Variants in APLP1 observed in about 807,000 individuals in gnomAD.
The protein encoded by APLP1 is amyloid beta (A4) precursor-like protein 1.
Under a neutral mutation model 84.5 loss-of-function variants are expected in APLP1, and 46 were observed. The ratio of observed to expected loss-of-function variants is 0.54; its 90% CI spans 0.43 to 0.70. The LOEUF is 0.70. APLP1 is among the 30% of genes least tolerant of loss of function. APLP1 has a pLI of 0.00. For synonymous variants in APLP1, 376 were observed against 364.0 expected, an observed-to-expected ratio of 1.03 and a Z score of -0.38; for missense variants, 826 against 900.2, an observed-to-expected ratio of 0.92 and a Z score of 1.05.
At chr19:35,869,867 A>G in intron 2 of APLP1, 57 bp downstream of exon 2, 1 of 1,541,440 alleles carries the variant, frequency 6.5e-7, no homozygotes. Context: ...GACTTGAAAA[A>G]GGCGTGGTCC....
At chr19:35,869,940 T>G in intron 2 of APLP1, 130 bp downstream of exon 2, 1 of 1,215,044 alleles carries the variant, frequency 8.2e-7, no homozygotes, top group East Asian at 2.6e-5. Flanking sequence ...GGCGCAACTA[T>G]GCTAGGGGCA....
At chr19:35,870,181 G>T in intron 2 of APLP1, 1 of 291,334 alleles carries the variant, frequency 3.4e-6, no homozygotes, top group Non-Finnish European at 6.4e-6. Context: ...GCCATGAAAA[G>T]ACAAATTTAT....
chr19:35,875,658 A>G (rs230267), intron 10 of APLP1, among the ~76,000 whole-genome samples: 16,110 of 152,004 alleles, frequency 0.11, 1,710 homozygotes, highest in African/African-American at 0.28. Flanking sequence ...CACGGGTTTC[A>G]GCATGTTGGC....
rs2146908298 is a variant in APLP1, at chr19:35,874,044, A to G, written c.1056+331A>G. Among the ~76,000 whole-genome samples the G allele has an allele frequency of 6.6e-6, 1 of 152,214 alleles. No homozygotes were observed. On this transcript the variant is annotated intron_variant, in intron 8 of 16. Coordinates refer to ENST00000221891, the MANE Select transcript of APLP1 (RefSeq NM_001024807.3). The surrounding 1 kb of genome is among the most constrained non-coding windows in gnomAD (Gnocchi z 6.4). ...TCTTTGATGCATTTATGTCTCTATC[A>G]GGCCCCGCCCCCTGATTCTGGCTCT...
chr19:35,869,067 C>T (rs1974071788), intron 1 of APLP1: 1 of 328,032 alleles, frequency 3.0e-6, no homozygotes, highest in Non-Finnish European at 5.5e-6. Flanking sequence ...GCCCCAACCC[C>T]CTCCCGCCTG....
chr19:35,875,983 C>T (rs1463505634), intron 10 of APLP1, among the ~76,000 whole-genome samples: 1 of 151,854 alleles, frequency 6.6e-6, no homozygotes, highest in Admixed American at 6.6e-5. Flanking sequence ...CCATGTTGCC[C>T]AGGCTAGTCT....
Position 35,878,645 on chromosome 19 carries a change from T to C in APLP1, c.1641T>C (p.Tyr547=). 1 of 1,614,028 alleles carries C rather than the reference T, an allele frequency of 6.2e-7. No homozygotes were observed. ...AGAAGATGAACCCGCTGGAACAGTATGAGCGAAAGGTAAGTTAGTCAGAAC... is the reference window on the plus strand; with the variant it reads ...AGAAGATGAACCCGCTGGAACAGTACGAGCGAAAGGTAAGTTAGTCAGAAC... ...EKEKMNPLEQ[Y]ERKVNASVPR... The change falls in exon 14 of 17, where the codon TAT becomes TAC. Residue 547 remains tyrosine (Y), a synonymous_variant. Coordinates refer to ENST00000221891, the MANE Select transcript of APLP1 (RefSeq NM_001024807.3).
chr19:35,876,467 A>G (rs2146912440), intron 10 of APLP1, 50 bp from the exon 11 acceptor site: 1 of 1,505,944 alleles, frequency 6.6e-7, no homozygotes, highest in Middle Eastern at 2.0e-4. Context: ...CAGTTTCCTC[A>G]TCTCCAGCCT....
chr19:35,872,846 G>GTT (rs758120842), intron 7 of APLP1, among the ~76,000 whole-genome samples: 21 of 144,196 alleles, frequency 1.5e-4, no homozygotes, highest in African/African-American at 3.0e-4. Context: ...CACTTTATTG[G>GTT]TTTTTTTTTT....
intron 15 of APLP1, 26 bp from the exon 16 acceptor site, chr19:35,879,048 C>A: frequency 6.2e-7 from 1 of 1,612,956 alleles, no homozygotes; most frequent in Non-Finnish European, 8.5e-7. Flanking sequence ...CAAAGAAGCC[C>A]TCTGCCCCAT....
rs1442665189 is a variant in APLP1 at position 35,879,496 on chromosome 19, C to T, written c.*55C>T. ...CCAGACCTCCCCTCTTCCTGGAGCC[C>T]CAGAACCCCAACTCCCAGCCTAGGG... On this transcript the variant is annotated 3_prime_UTR_variant, in exon 17 of 17. Transcript: ENST00000221891. The T allele has an allele frequency of 1.3e-6, 2 of 1,508,610 alleles. No individual in the cohort carries two copies. The highest frequency in any genetic ancestry group is 1.8e-6 in the Non-Finnish European group (2 of 1,088,362). The allele number at this position is 1,508,610 out of a possible 1,614,324, so 93.5% of individuals were successfully genotyped here. A position where few individuals can be genotyped will look rare whatever the true frequency, so the allele number is the denominator to read the frequency against.
In APLP1 at chr19:35,870,965, G is replaced by C. The variant is rs754680612; in HGVS notation, c.361G>C (p.Gly121Arg). 1 of 1,582,502 alleles carries C rather than the reference G, an allele frequency of 6.3e-7. No individual in the cohort carries two copies. Among genetic ancestry groups the C allele is most frequent in the South Asian group, 1.2e-5 (1 of 86,160 alleles). The stretch of plus-strand genomic sequence containing the variant: ...GGCCATCCCCATGGAGCGCTGGTGC[G>C]GGGGTTCCCGGAGCGGCAGCTGCGC... ...TQAIPMERWC[G>R]GSRSGSCAHP... The change falls in exon 3 of 17, where the codon GGG becomes CGG. Residue 121 changes from glycine to arginine, a missense_variant. Gly to Arg is a moderately radical substitution (Grantham distance 125). Transcript: ENST00000221891.
Position 35,879,210 on chromosome 19 carries a change from T to A in APLP1, c.1850T>A (p.Val617Glu). 2 of 1,612,568 alleles carry A rather than the reference T, an allele frequency of 1.2e-6. No individual in the cohort carries two copies. Among genetic ancestry groups the A allele is most frequent in the Non-Finnish European group, 1.7e-6 (2 of 1,179,648 alleles). The change falls in exon 16 of 17, where the codon GTG (valine) becomes GAG (glutamate). Residue 617 changes from valine to glutamate, a missense_variant. By Grantham distance (121) the Val-to-Glu change is moderately radical. Around this residue, in one of 3 missense-constraint regions of APLP1, gnomAD observed 433 missense variants for 496.5 expected, o/e 0.87. Transcript: ENST00000221891. ...KKPYGAISHG[V>E]VEVDPMLTLE... Reference sequence around the variant, plus strand: ...CCCTACGGGGCTATCAGCCATGGCGTGGTGGAGGTGAGAACCATGGCGTGG... The same window carrying A: ...CCCTACGGGGCTATCAGCCATGGCGAGGTGGAGGTGAGAACCATGGCGTGG...
chr19:35,869,722 A>G lies in APLP1; in HGVS notation c.203A>G (p.Asp68Gly). Residue 68 changes from aspartate (D) to glycine (G), a missense_variant, in exon 2 of 17, where the codon GAC becomes GGC. Transcript: ENST00000221891. ...TGCGGGCGCCTAACCCTTCACCGGG[A>G]CCTGCGCACCGGCCGCTGGGAACCA... ...GLCGRLTLHR[D>G]LRTGRWEPDP... is the part of the protein sequence containing the mutation. 6.2e-7 allele frequency: 1 copy of G among 1,611,556 alleles called. No individual in the cohort carries two copies. The highest frequency in any genetic ancestry group is 8.5e-7 in the Non-Finnish European group (1 of 1,179,506).
chr19:35,879,250 G>C, intron 16 of APLP1, 33 bp downstream of exon 16: 1 of 1,609,622 alleles, frequency 6.2e-7, no homozygotes, highest in Non-Finnish European at 8.5e-7. Context: ...GGTGTGGGAA[G>C]AGTTCCTGAG....
chr19:35,871,604 TC>T lies in APLP1; in HGVS notation c.538-6del. ...CAATCCTGGCATCTGGGCCCACTCTTCCTACAGGCCTGCAGCTCCCAGGGCC... is the reference window on the plus strand; with the variant it reads ...CAATCCTGGCATCTGGGCCCACTCTTCTACAGGCCTGCAGCTCCCAGGGCC... On this transcript the variant is annotated splice_region_variant and splice_polypyrimidine_tract_variant and intron_variant, in intron 4 of 16. Coordinates refer to ENST00000221891, the MANE Select transcript of APLP1 (RefSeq NM_001024807.3). 1.2e-6 allele frequency: 2 copies of T among 1,613,608 alleles called. No homozygotes were observed. The highest frequency in any genetic ancestry group is 1.7e-6 in the Non-Finnish European group (2 of 1,179,916).
chr19:35,871,432 A>C, intron 4 of APLP1, 83 bp downstream of exon 4: 4 of 1,374,640 alleles, frequency 2.9e-6, no homozygotes, highest in Non-Finnish European at 3.0e-6. Flanking sequence ...AGAACCGAGG[A>C]GTCTGGGCCA....
In APLP1 at chr19:35,868,732, C is replaced by G. The variant is rs1331870345; in HGVS notation, c.96C>G (p.Arg32=). Residue 32 remains arginine, a synonymous_variant, in exon 1 of 17, where the codon CGC becomes CGG. Transcript: ENST00000221891. The surrounding 1 kb of genome is among the most constrained non-coding windows in gnomAD (Gnocchi z 5.2). The part of the protein sequence containing the change: ...LLLPLLLLLL[R]AQPAIGSLAG... ...TGCCACTATTGCTGCTGCTTCTGCG[C>G]GCGCAGCCCGCCATCGGGAGCCTGG... 4 of 1,391,332 alleles carry G rather than the reference C, an allele frequency of 2.9e-6. No homozygotes were observed. The highest frequency in any genetic ancestry group is 1.5e-5 in the African/African-American group (1 of 65,778). 86.2% of individuals were successfully genotyped at this position (1,391,332 alleles called of 1,614,324 possible).
chr19:35,873,775 A>G, intron 8 of APLP1, 62 bp downstream of exon 8: 4 of 1,521,428 alleles, frequency 2.6e-6, no homozygotes, highest in Non-Finnish European at 9.0e-7. Flanking sequence ...ACTCAGTTTC[A>G]CCTGGCTCTG....
Sources: gnomAD v4.1 joint callset for allele counts (sites outside exome capture counted in the v4.1 genomes callset) on GRCh38, gnomAD v4.1.1 for gene constraint, gnomAD v4.1.1 regional missense constraint, Gnocchi (gnomAD v3.1) non-coding constraint, MANE v1.5 for transcripts, NCBI Gene and HGNC (gene_info 2026-07-23, HGNC 2026-07-21) for gene names.